Variants in CILP2 observed in about 807,000 individuals in gnomAD.
CILP2 encodes cartilage intermediate layer protein 2.
Under a neutral mutation model 45.6 loss-of-function variants are expected in CILP2, and 38 were observed. The observed-to-expected ratio is 0.83, with a 90% CI of 0.64 to 1.09. CILP2 has a LOEUF of 1.09. Ranked by LOEUF, CILP2 falls within the 50% of genes least tolerant of loss-of-function variation. The pLI, the probability that CILP2 is intolerant of heterozygous loss-of-function variation, is 0.00. For missense variants in CILP2, 1,735 were observed against 1,662.2 expected (o/e 1.04, Z -0.76); for synonymous variants, 780 against 723.5 (o/e 1.08, Z -1.25).
In CILP2 at chr19:19,544,637, C is replaced by T. The variant is rs754770318; in HGVS notation, c.2092C>T (p.Arg698Trp). The T allele has an allele frequency of 9.0e-6, 14 of 1,548,904 alleles. No individual in the cohort carries two copies. Among genetic ancestry groups the T allele is most frequent in the African/African-American group, 4.1e-5 (3 of 73,752 alleles). ...TGLWEEESGF[R>W]REGSSGPRVR... ...CTTGTGGGAGGAGGAGAGCGGCTTC[C>T]GGCGCGAGGGGTCCTCGGGCCCCCG... The change falls in exon 8 of 8, where the codon CGG becomes TGG. Residue 698 changes from arginine (R) to tryptophan (W), a missense_variant. Physicochemically the swap from Arg to Trp is moderately radical, Grantham distance 101. Transcript: ENST00000291495.
Position 19,545,427 on chromosome 19 carries a change from G to T in CILP2, c.2882G>T (p.Ser961Ile). 4.3e-6 allele frequency: 7 copies of T among 1,612,542 alleles called. No homozygotes were observed. The highest frequency in any genetic ancestry group is 5.9e-6 in the Non-Finnish European group (7 of 1,179,758). The change falls in exon 8 of 8, where the codon AGC (serine) becomes ATC (isoleucine). Residue 961 changes from serine to isoleucine, a missense_variant. Physicochemically the swap from Ser to Ile is moderately radical, Grantham distance 142. Transcript: ENST00000291495. ...GTCCGCTCCCACAACGCAGGGGGCA[G>T]CCACCCACGCACCCGCGGCCAGCTC... is the stretch of plus-strand genomic sequence containing the variant. ...YMVRSHNAGG[S>I]HPRTRGQLYG...
At chr19:19,539,580 A>AATGGG in intron 1 of CILP2, 99 bp from the exon 2 acceptor site, 2 of 549,312 alleles carry the variant, frequency 3.6e-6, no homozygotes, top group Non-Finnish European at 5.7e-6. Context: ...AAAAAAAAAA[A>AATGGG]GGGGGGGGAT....
chr19:19,544,021 G>A lies in CILP2; in HGVS notation c.1476G>A (p.Arg492=). ...ADSGEPLRFA[R]ILLGQEPIGF... is the part of the protein sequence containing the mutation. Reference sequence around the variant, plus strand: ...CCGGGGAGCCGCTACGCTTCGCCAGGATTCTGCTGGGCCAGGAGCCCATCG... The same window carrying A: ...CCGGGGAGCCGCTACGCTTCGCCAGAATTCTGCTGGGCCAGGAGCCCATCG... The change falls in exon 8 of 8, where the codon AGG becomes AGA. Residue 492 remains arginine, a synonymous_variant. Coordinates refer to ENST00000291495, the MANE Select transcript of CILP2 (RefSeq NM_153221.2). 6.2e-7 allele frequency: 1 copy of A among 1,613,850 alleles called. No individual in the cohort carries two copies. The highest frequency in any genetic ancestry group is 8.5e-7 in the Non-Finnish European group (1 of 1,179,910).
rs2061261711 is a variant in CILP2, at chr19:19,545,498, G to A, written c.2953G>A (p.Gly985Ser). ...GAGTGTGCGAGACCCCGAGCGTCCG[G>A]GCACCTCGGCAGCCTGCGTGGAGTT... is the stretch of plus-strand genomic sequence containing the variant. Reference protein sequence around the residue: ...ARSVRDPERPGTSAACVEFKC... With the variant: ...ARSVRDPERPSTSAACVEFKC... Residue 985 changes from glycine (G) to serine (S), a missense_variant, in exon 8 of 8, where the codon GGC becomes AGC. Coordinates refer to ENST00000291495, the MANE Select transcript of CILP2 (RefSeq NM_153221.2). 6.2e-7 allele frequency: 1 copy of A among 1,612,340 alleles called. No individual in the cohort carries two copies. Among genetic ancestry groups the A allele is most frequent in the African/African-American group, 1.3e-5 (1 of 74,920 alleles).
At chr19:19,539,580 A>AAAAAG in intron 1 of CILP2, 99 bp from the exon 2 acceptor site, 1 of 549,304 alleles carries the variant, frequency 1.8e-6, no homozygotes, top group East Asian at 3.4e-5. Flanking sequence ...AAAAAAAAAA[A>AAAAAG]GGGGGGGGAT....
rs2061249637 is a variant in CILP2, at chr19:19,542,911, G to T, written c.916G>T (p.Gly306Cys). The T allele has an allele frequency of 6.2e-7, 1 of 1,613,996 alleles. No individual in the cohort carries two copies. Among genetic ancestry groups the T allele is most frequent in the Non-Finnish European group, 8.5e-7 (1 of 1,179,992 alleles). ...CCCTGAGTCCCGAGTGCGAGAGGCT[G>T]GCCAGAATGTGACTTTCTGCTGCAA... ...KHPESRVREA[G>C]QNVTFCCKAS... Residue 306 changes from glycine to cysteine, a missense_variant, in exon 6 of 8, where the codon GGC becomes TGC. Physicochemically the swap from Gly to Cys is radical, Grantham distance 159. Coordinates refer to ENST00000291495, the MANE Select transcript of CILP2 (RefSeq NM_153221.2).
chr19:19,542,441 G>T lies in CILP2; in HGVS notation c.659G>T (p.Gly220Val). 6.2e-7 allele frequency: 1 copy of T among 1,612,106 alleles called. No homozygotes were observed. Reference sequence around the variant, plus strand: ...CTGGGCTCGGTGGTCACCCCATCTGGGCAACCACTGCTAGGAGCCAGGGTC... The same window carrying T: ...CTGGGCTCGGTGGTCACCCCATCTGTGCAACCACTGCTAGGAGCCAGGGTC... Reference protein sequence around the residue: ...ILLGSVVTPSGQPLLGARVSL... With the variant: ...ILLGSVVTPSVQPLLGARVSL... The change falls in exon 5 of 8, where the codon GGG becomes GTG. Residue 220 changes from glycine (G) to valine (V), a missense_variant. Coordinates refer to ENST00000291495, the MANE Select transcript of CILP2 (RefSeq NM_153221.2).
Position 19,545,492 on chromosome 19 carries a change from C to A in CILP2, c.2947C>A (p.Arg983Ser), listed in dbSNP as rs1312895932. 6.2e-7 allele frequency: 1 copy of A among 1,612,270 alleles called. No homozygotes were observed. Among genetic ancestry groups the A allele is most frequent in the South Asian group, 1.1e-5 (1 of 91,056 alleles). ...RDARSVRDPE[R>S]PGTSAACVEF... ...TGCCCGGAGTGTGCGAGACCCCGAG[C>A]GTCCGGGCACCTCGGCAGCCTGCGT... Residue 983 changes from arginine (R) to serine (S), a missense_variant, in exon 8 of 8, where the codon CGT becomes AGT. By Grantham distance (110) the Arg-to-Ser change is moderately radical (BLOSUM62 -1). Transcript: ENST00000291495.
intron 1 of CILP2, 87 bp downstream of exon 1, chr19:19,538,500 G>A: frequency 9.1e-7 from 1 of 1,095,844 alleles, no homozygotes; most frequent in Non-Finnish European, 1.2e-6. Context: ...CTCGGGGAGA[G>A]AACCCAGGGA....
In CILP2 at chr19:19,545,489, G is replaced by A; in HGVS notation, c.2944G>A (p.Glu982Lys). Residue 982 changes from glutamate to lysine, a missense_variant, in exon 8 of 8, where the codon GAG becomes AAG. By Grantham distance (56) the Glu-to-Lys change is moderately conservative. Coordinates refer to ENST00000291495, the MANE Select transcript of CILP2 (RefSeq NM_153221.2). ...LRDARSVRDP[E>K]RPGTSAACVE... is the part of the protein sequence containing the mutation. ...GGATGCCCGGAGTGTGCGAGACCCCGAGCGTCCGGGCACCTCGGCAGCCTG... is the reference window on the plus strand; with the variant it reads ...GGATGCCCGGAGTGTGCGAGACCCCAAGCGTCCGGGCACCTCGGCAGCCTG... 1.2e-6 allele frequency: 2 copies of A among 1,612,374 alleles called. No homozygotes were observed. The highest frequency in any genetic ancestry group is 2.2e-5 in the East Asian group (1 of 44,846).
In CILP2 at chr19:19,540,470, C is replaced by A. The variant is rs2061239430; in HGVS notation, c.430C>A (p.Pro144Thr). The change falls in exon 3 of 8, where the codon CCA becomes ACA. Residue 144 changes from proline to threonine, a missense_variant. Physicochemically the swap from Pro to Thr is conservative, Grantham distance 38 (BLOSUM62 -1). Transcript: ENST00000291495. ...CAACTACCACGTGCGCTTCCGCTGC[C>A]CACTAGGTGAGGGCGGGGCTGGATG... Reference protein sequence around the residue: ...CSNYHVRFRCPLEASWGAWGP... With the variant: ...CSNYHVRFRCTLEASWGAWGP... 7.0e-7 allele frequency: 1 copy of A among 1,430,112 alleles called. No homozygotes were observed. Among genetic ancestry groups the A allele is most frequent in the Non-Finnish European group, 9.1e-7 (1 of 1,095,164 alleles). 88.6% of individuals were successfully genotyped at this position (1,430,112 alleles called of 1,614,324 possible). A position where few individuals can be genotyped will look rare whatever the true frequency, so the allele number is the denominator to read the frequency against.
rs751641444 is a variant in CILP2 at position 19,544,680 on chromosome 19, G to A, written c.2135G>A (p.Arg712His). 8 of 1,573,434 alleles carry A rather than the reference G, an allele frequency of 5.1e-6. No homozygotes were observed. In the East Asian group the frequency reaches 1.1e-4, roughly 22 times the overall value. Residue 712 changes from arginine to histidine, a missense_variant, in exon 8 of 8, where the codon CGC (arginine) becomes CAC (histidine). Physicochemically the swap from Arg to His is conservative, Grantham distance 29. Coordinates refer to ENST00000291495, the MANE Select transcript of CILP2 (RefSeq NM_153221.2). ...SSGPRVRREE[R>H]VFLVGNVEIR... ...GGCCCCCGGGTGCGCCGGGAGGAGC[G>A]CGTCTTCCTGGTGGGCAACGTGGAG...
Position 19,538,428 on chromosome 19 carries a change from GC to G in CILP2, c.64+20del. On this transcript the variant is annotated intron_variant, in intron 1 of 7. Transcript: ENST00000291495. Reference sequence around the variant, plus strand: ...GGGGGCCCGAGGTGAGGCGCCTCCAGCCCCCGCGCCCAGCCCCTGAGGCTCC... The same window carrying G: ...GGGGGCCCGAGGTGAGGCGCCTCCAGCCCCGCGCCCAGCCCCTGAGGCTCC... The G allele has an allele frequency of 6.6e-7, 1 of 1,516,324 alleles. No homozygotes were observed. The highest frequency in any genetic ancestry group is 1.9e-4 in the Middle Eastern group (1 of 5,204). The allele number at this position is 1,516,324 out of a possible 1,614,324, so 93.9% of individuals were successfully genotyped here.
rs751309905 is a variant in CILP2, at chr19:19,544,054, C to G, written c.1509C>G (p.Thr503=). 2.5e-6 allele frequency: 4 copies of G among 1,613,904 alleles called. No individual in the cohort carries two copies. The highest frequency in any genetic ancestry group is 3.4e-6 in the Non-Finnish European group (4 of 1,179,964). ...TGGGCCAGGAGCCCATCGGCTTCAC[C>G]GCCTACCAGGGCGACTTTACCATTG... is the stretch of plus-strand genomic sequence containing the variant. ...ILLGQEPIGF[T]AYQGDFTIEV... The change falls in exon 8 of 8, where the codon ACC becomes ACG. Residue 503 remains threonine, a synonymous_variant. Coordinates refer to ENST00000291495, the MANE Select transcript of CILP2 (RefSeq NM_153221.2).
At position 19,545,906 on chromosome 19, in the gene CILP2, T is replaced by G; in HGVS notation, c.3361T>G (p.Ser1121Ala). 6.3e-7 allele frequency: 1 copy of G among 1,581,234 alleles called. No individual in the cohort carries two copies. ...CAGCCTCTTCCAGAGGCTGCTGGAG[T>G]CCCCGGCGACAGCACTTGGTGACAT... ...RPSLFQRLLESPATALGDIRR... is the reference protein window; with the variant it reads ...RPSLFQRLLEAPATALGDIRR... Residue 1121 changes from serine (S) to alanine (A), a missense_variant, in exon 8 of 8, where the codon TCC becomes GCC. Physicochemically the swap from Ser to Ala is moderately conservative, Grantham distance 99. Coordinates refer to ENST00000291495, the MANE Select transcript of CILP2 (RefSeq NM_153221.2).
At position 19,545,905 on chromosome 19, in the gene CILP2, G is replaced by T. The variant is rs765714098; in HGVS notation, c.3360G>T (p.Glu1120Asp). Residue 1120 changes from glutamate to aspartate, a missense_variant, in exon 8 of 8, where the codon GAG becomes GAT. Glu to Asp is a conservative substitution (Grantham distance 45, BLOSUM62 2). Transcript: ENST00000291495. ...GRPSLFQRLLESPATALGDIR... is the reference protein window; with the variant it reads ...GRPSLFQRLLDSPATALGDIR... Reference sequence around the variant, plus strand: ...CCAGCCTCTTCCAGAGGCTGCTGGAGTCCCCGGCGACAGCACTTGGTGACA... The same window carrying T: ...CCAGCCTCTTCCAGAGGCTGCTGGATTCCCCGGCGACAGCACTTGGTGACA... 6.9e-6 allele frequency: 11 copies of T among 1,583,532 alleles called. No homozygotes were observed. The South Asian group carries it at 1.2e-4, about 18-fold the overall frequency.
intron 4 of CILP2, 102 bp from the exon 5 acceptor site, chr19:19,542,247 AGGCCTCTGAGAGGCACCTTATGGGGG>A: frequency 1.0e-6 from 1 of 959,802 alleles, no homozygotes; most frequent in Non-Finnish European, 1.5e-6. Flanking sequence ...GGCCATGCTG[AGGCCTCTGAGAGGCACCTTATGGGGG>A]GGCCCCAGGC....
chr19:19,543,721 C>T lies in CILP2; in HGVS notation c.1176C>T (p.Tyr392=). 6.2e-7 allele frequency: 1 copy of T among 1,608,116 alleles called. No individual in the cohort carries two copies. Among genetic ancestry groups the T allele is most frequent in the Non-Finnish European group, 8.5e-7 (1 of 1,175,984 alleles). ...QPACDPRPRE[Y]LIKLPEDCGQ... Reference sequence around the variant, plus strand: ...CCTGCGACCCCCGGCCCCGAGAGTACCTGATCAAGCTCCCTGAGGACTGTG... The same window carrying T: ...CCTGCGACCCCCGGCCCCGAGAGTATCTGATCAAGCTCCCTGAGGACTGTG... The change falls in exon 8 of 8, where the codon TAC becomes TAT. Residue 392 remains tyrosine, a synonymous_variant. Coordinates refer to ENST00000291495, the MANE Select transcript of CILP2 (RefSeq NM_153221.2).
Position 19,545,032 on chromosome 19 carries a change from G to C in CILP2, c.2487G>C (p.Pro829=). ...CCCCTTCCTTGCCCCGCCCACTCCC[G>C]GCCACCGTGGGCGTCACCCAGCCCT... ...EPAPSLPRPL[P]ATVGVTQPYL... The change falls in exon 8 of 8, where the codon CCG becomes CCC. Residue 829 remains proline (P), a synonymous_variant. Transcript: ENST00000291495. 1 of 1,606,846 alleles carries C rather than the reference G, an allele frequency of 6.2e-7. No individual in the cohort carries two copies. The highest frequency in any genetic ancestry group is 8.5e-7 in the Non-Finnish European group (1 of 1,178,786).
Sources: allele counts gnomAD v4.1 joint callset, GRCh38; gene constraint gnomAD v4.1.1; transcripts MANE v1.5; gene names NCBI Gene and HGNC (gene_info 2026-07-23, HGNC 2026-07-21).